TOR1AIP1: variants seen among roughly 807,000 people sequenced by gnomAD.
TOR1AIP1 encodes the protein torsin-1A-interacting protein 1.
A neutral mutation model predicts 63.3 loss-of-function variants in TOR1AIP1; 54 were observed. That is an observed-to-expected ratio of 0.85 (90% CI 0.69 to 1.07). TOR1AIP1 has a LOEUF of 1.07. Ranked by LOEUF, TOR1AIP1 falls within the 50% of genes least tolerant of loss-of-function variation. The probability of loss-of-function intolerance (pLI) is 0.00; values close to 1 mark genes in which losing one functional copy is unlikely to be tolerated. For missense variants in TOR1AIP1, 736 were observed against 715.0 expected (o/e 1.03, Z -0.33); for synonymous variants, 294 against 273.5 (o/e 1.07, Z -0.74).
At chr1:179,905,916 G>A (rs1648620778) in intron 6 of TOR1AIP1, among the ~76,000 whole-genome samples, 2 of 152,104 alleles carry the variant, frequency 1.3e-5, no homozygotes, top group Admixed American at 6.6e-5. Context: ...TTGCACCACT[G>A]CACTCCAGCC....
In TOR1AIP1 at chr1:179,895,204, C is replaced by T. The variant is rs562575895; in HGVS notation, c.611-4922C>T. ...GTCTATATATTTGCTAAAGCCACAGCCTTTATGATTTCTTTAATAATGTTT... is the reference window on the plus strand; with the variant it reads ...GTCTATATATTTGCTAAAGCCACAGTCTTTATGATTTCTTTAATAATGTTT... On this transcript the variant is annotated intron_variant, in intron 3 of 9. Coordinates refer to ENST00000606911, the MANE Select transcript of TOR1AIP1 (RefSeq NM_015602.4). Among the ~76,000 whole-genome samples, 125 of 152,208 alleles carry T rather than the reference C, an allele frequency of 8.2e-4. 1 individual carries two copies. The highest frequency in any genetic ancestry group is 2.9e-3 in the African/African-American group (122 of 41,528).
intron 6 of TOR1AIP1, among the ~76,000 whole-genome samples, chr1:179,906,156 T>C (rs1287720421): frequency 1.3e-5 from 2 of 152,200 alleles, no homozygotes; most frequent in African/African-American, 4.8e-5. Context: ...TTAAAAAGTA[T>C]GTCTTAGAAT....
chr1:179,908,696 T>C (rs776154035), intron 8 of TOR1AIP1, 23 bp downstream of exon 8: 4 of 1,590,420 alleles, frequency 2.5e-6, no homozygotes, highest in Admixed American at 3.4e-5. Flanking sequence ...ATCTCTGTTA[T>C]TGAAATAATC....
intron 5 of TOR1AIP1, among the ~76,000 whole-genome samples, chr1:179,902,398 A>T (rs1489456244): frequency 6.7e-6 from 1 of 148,420 alleles, no homozygotes; most frequent in Non-Finnish European, 1.5e-5. Context: ...TTTTGTTTTT[A>T]TTTTTTTGAG....
rs781656421 is a variant in TOR1AIP1 at position 179,882,738 on chromosome 1, C to G, written c.236C>G (p.Ser79Cys). 1 of 1,614,000 alleles carries G rather than the reference C, an allele frequency of 6.2e-7. No homozygotes were observed. Among genetic ancestry groups the G allele is most frequent in the East Asian group, 2.2e-5 (1 of 44,896 alleles). ...DFEPLVAKERSPVGKRTRLEE... is the reference protein window; with the variant it reads ...DFEPLVAKERCPVGKRTRLEE... ...GAGCCCCTGGTGGCCAAAGAAAGGTCCCCGGTGGGAAAACGAACCCGGCTA... is the reference window on the plus strand; with the variant it reads ...GAGCCCCTGGTGGCCAAAGAAAGGTGCCCGGTGGGAAAACGAACCCGGCTA... The change falls in exon 1 of 10, where the codon TCC (serine) becomes TGC (cysteine). Residue 79 changes from serine (S) to cysteine (C), a missense_variant. Physicochemically the swap from Ser to Cys is moderately radical, Grantham distance 112 (BLOSUM62 -1). Coordinates refer to ENST00000606911, the MANE Select transcript of TOR1AIP1 (RefSeq NM_015602.4).
At chr1:179,896,273 CT>C (rs1429646123) in intron 3 of TOR1AIP1, among the ~76,000 whole-genome samples, 26 of 152,032 alleles carry the variant, frequency 1.7e-4, no homozygotes, top group African/African-American at 5.1e-4. Context: ...ATGGAACAAA[CT>C]TTTTTTATTT....
At chr1:179,896,234 A>G (rs1439078433) in intron 3 of TOR1AIP1, among the ~76,000 whole-genome samples, 1 of 152,154 alleles carries the variant, frequency 6.6e-6, no homozygotes, top group East Asian at 1.9e-4. Flanking sequence ...TAACATCTTT[A>G]TTCTATAATC....
At chr1:179,900,240 ATAT>A in intron 4 of TOR1AIP1, 73 bp downstream of exon 4, 2 of 1,098,698 alleles carry the variant, frequency 1.8e-6, no homozygotes, top group South Asian at 2.7e-5. Flanking sequence ...ATTCTGATAG[ATAT>A]TTAAGAAGTG....
At position 179,882,650 on chromosome 1, in the gene TOR1AIP1, T is replaced by C. The variant is rs747451251; in HGVS notation, c.148T>C (p.Ser50Pro). ...SDAPAYRTPP[S>P]RQGRREVRFS... ...TGCGCCTGCGTACAGAACTCCTCCG[T>C]CGCGCCAGGGCCGGCGGGAAGTGAG... Residue 50 changes from serine (S) to proline (P), a missense_variant, in exon 1 of 10, where the codon TCG becomes CCG. Around this residue, in one of 2 missense-constraint regions of TOR1AIP1, gnomAD observed 464 missense variants for 371.0 expected, o/e 1.25. Coordinates refer to ENST00000606911, the MANE Select transcript of TOR1AIP1 (RefSeq NM_015602.4). 4 of 1,575,986 alleles carry C rather than the reference T, an allele frequency of 2.5e-6. No homozygotes were observed. The highest frequency in any genetic ancestry group is 2.3e-5 in the South Asian group (2 of 85,360).
intron 3 of TOR1AIP1, among the ~76,000 whole-genome samples, chr1:179,892,694 C>T (rs141654977): frequency 0.051 from 7,596 of 147,498 alleles, 292 homozygotes; most frequent in Non-Finnish European, 0.067. Flanking sequence ...GCCAGGATTG[C>T]GCCACTGCAC....
chr1:179,893,704 G>A (rs998993114), intron 3 of TOR1AIP1, among the ~76,000 whole-genome samples: 1 of 152,130 alleles, frequency 6.6e-6, no homozygotes, highest in African/African-American at 2.4e-5. Flanking sequence ...GCCTCCCAAA[G>A]TGCTGGGATT....
rs1174516432 is a variant in TOR1AIP1, at chr1:179,919,564, G to A, written c.*1325G>A. 8.5e-5 allele frequency: 13 copies of A among 152,186 alleles called. No individual in the cohort carries two copies. Among genetic ancestry groups the A allele is most frequent in the Non-Finnish European group, 1.5e-5 (1 of 68,036 alleles). The allele number at this position is 152,186 out of a possible 1,614,324, so 9.4% of individuals were successfully genotyped here. A position where few individuals can be genotyped will look rare whatever the true frequency, so the allele number is the denominator to read the frequency against. On this transcript the variant is annotated 3_prime_UTR_variant, in exon 10 of 10. Coordinates refer to ENST00000606911, the MANE Select transcript of TOR1AIP1 (RefSeq NM_015602.4). The stretch of plus-strand genomic sequence containing the variant: ...AATGTATTTCTTTACTACTATAGTA[G>A]TTTAGTTATAACTTTGCATCTATAA...
At chr1:179,907,957 C>A in intron 7 of TOR1AIP1, 93 bp downstream of exon 7, 1 of 862,668 alleles carries the variant, frequency 1.2e-6, no homozygotes. Flanking sequence ...TGCTCTGTCG[C>A]CCAGGCTGGA....
chr1:179,902,087 G>A (rs1269435101), intron 5 of TOR1AIP1, among the ~76,000 whole-genome samples: 2 of 142,958 alleles, frequency 1.4e-5, no homozygotes, highest in African/African-American at 5.3e-5. Context: ...GTGCAGTGGC[G>A]CAATGTCGGC....
intron 3 of TOR1AIP1, among the ~76,000 whole-genome samples, chr1:179,895,443 C>CA (rs1648233729): frequency 6.6e-6 from 1 of 152,062 alleles, no homozygotes; most frequent in East Asian, 1.9e-4. Flanking sequence ...CTCGTCTCTA[C>CA]AAAAAAATGC....
intron 3 of TOR1AIP1, among the ~76,000 whole-genome samples, chr1:179,897,256 A>C (rs961878896): frequency 6.6e-6 from 1 of 152,228 alleles, no homozygotes; most frequent in Non-Finnish European, 1.5e-5. Flanking sequence ...TGTTAGAAGT[A>C]TTAAAATCAA....
rs775748171 is a variant in TOR1AIP1, at chr1:179,901,394, A to G, written c.739+6A>G. 3.8e-6 allele frequency: 6 copies of G among 1,570,992 alleles called. No homozygotes were observed. The highest frequency in any genetic ancestry group is 5.2e-6 in the Non-Finnish European group (6 of 1,147,392). The stretch of plus-strand genomic sequence containing the variant: ...GGATTCTGATGAATCTGGAGGTAAT[A>G]TTGCTTTATATACATATGACTCTTC... On this transcript the variant is annotated splice_donor_region_variant and intron_variant, in intron 5 of 9. Coordinates refer to ENST00000606911, the MANE Select transcript of TOR1AIP1 (RefSeq NM_015602.4).
rs144191456 is a variant in TOR1AIP1, at chr1:179,893,506, T to A, written c.610+4137T>A. 3.4e-3 allele frequency among the ~76,000 whole-genome samples: 512 copies of A among 152,118 alleles called. 3 individuals carry two copies. The highest frequency in any genetic ancestry group is 0.012 in the African/African-American group (495 of 41,528). ...CCCACGCTGGACTGTAGTGGTGCGA[T>A]CTCAGCTCACTGCAACCTCCACCTC... On this transcript the variant is annotated intron_variant, in intron 3 of 9. Coordinates refer to ENST00000606911, the MANE Select transcript of TOR1AIP1 (RefSeq NM_015602.4).
intron 3 of TOR1AIP1, among the ~76,000 whole-genome samples, chr1:179,894,601 G>A (rs951329204): frequency 1.3e-5 from 2 of 152,042 alleles, no homozygotes; most frequent in Non-Finnish European, 2.9e-5. Flanking sequence ...CAGGAGAATC[G>A]CTTGAACCTG....
Sources: allele counts gnomAD v4.1 joint callset (sites outside exome capture counted in the v4.1 genomes callset), GRCh38; gene constraint gnomAD v4.1.1; regional missense constraint gnomAD v4.1.1; transcripts MANE v1.5; gene names NCBI Gene and HGNC (gene_info 2026-07-23, HGNC 2026-07-21).